ROCK1: variants seen among roughly 807,000 people sequenced by gnomAD.
The protein encoded by ROCK1 is rho-associated protein kinase 1.
In ROCK1, 36 loss-of-function variants were observed where a neutral mutation model predicts 196.8. The observed-to-expected ratio is 0.18, with a 90% CI of 0.14 to 0.24. ROCK1 has a LOEUF of 0.24. Ranked by LOEUF, ROCK1 falls within the 10% of genes least tolerant of loss-of-function variation. The pLI is 1.00. For synonymous variants in ROCK1, 443 were observed against 515.9 expected (o/e 0.86, Z 1.91); for missense variants, 920 against 1,562.0 (o/e 0.59, Z 6.93).
intron 2 of ROCK1, among the ~76,000 whole-genome samples, chr18:21,068,573 A>G (rs1325727168): frequency 6.6e-6 from 1 of 152,160 alleles, no homozygotes; most frequent in Non-Finnish European, 1.5e-5. Context: ...GACTGTTAAC[A>G]TTTTAATATT....
chr18:21,061,080 AT>A (rs772672441), intron 2 of ROCK1, among the ~76,000 whole-genome samples: 582 of 140,282 alleles, frequency 4.1e-3, no homozygotes, highest in Admixed American at 5.3e-3. Context: ...AAATGCTTTT[AT>A]TTTTTTTTTT....
intron 21 of ROCK1, among the ~76,000 whole-genome samples, chr18:20,982,214 G>A (rs183627713): frequency 2.8e-4 from 43 of 152,280 alleles, no homozygotes; most frequent in Non-Finnish European, 5.7e-4. Context: ...GAATAATTAC[G>A]TTTAGCAAAC....
intron 13 of ROCK1, among the ~76,000 whole-genome samples, chr18:21,011,297 CTA>C (rs1285202838): frequency 2.0e-5 from 3 of 151,690 alleles, no homozygotes; most frequent in Non-Finnish European, 2.9e-5. Context: ...TTTGATTTAA[CTA>C]TGGTGTTTTT....
Position 20,950,928 on chromosome 18 carries a change from A to G in ROCK1, c.*456T>C, listed in dbSNP as rs1196290014. ...TTGCAAGAGCACAAAAACTTAAGTC[A>G]TTAAAAAAAAAACAAAACTTCAGTT... On this transcript the variant is annotated 3_prime_UTR_variant, in exon 33 of 33. Coordinates refer to ENST00000399799, the MANE Select transcript of ROCK1 (RefSeq NM_005406.3). 1.3e-5 allele frequency: 2 copies of G among 153,018 alleles called. No homozygotes were observed. Among genetic ancestry groups the G allele is most frequent in the Admixed American group, 6.6e-5 (1 of 15,264 alleles). 9.5% of individuals were successfully genotyped at this position (153,018 alleles called of 1,614,324 possible). A position where few individuals can be genotyped will look rare whatever the true frequency, so the allele number is the denominator to read the frequency against.
intron 9 of ROCK1, among the ~76,000 whole-genome samples, chr18:21,032,919 G>A (rs1464261691): frequency 4.6e-5 from 7 of 151,938 alleles, no homozygotes; most frequent in Admixed American, 1.3e-4. Flanking sequence ...ATCAAAATAG[G>A]GCCATAGTGG....
At chr18:21,026,441 T>C (rs2035956814) in intron 10 of ROCK1, among the ~76,000 whole-genome samples, 1 of 110,174 alleles carries the variant, frequency 9.1e-6, no homozygotes, top group Admixed American at 1.1e-4. Flanking sequence ...CAAAACTCTG[T>C]CTCGAAAAAA....
Position 21,033,854 on chromosome 18 carries a change from TAAAAAAAAAAAAAAAAAAAAAAAAA to T in ROCK1, c.1052-4944_1052-4920del, listed in dbSNP as rs71269004. Among the ~76,000 whole-genome samples, 7 of 33,464 alleles carry T rather than the reference TAAAAAAAAAAAAAAAAAAAAAAAAA, an allele frequency of 2.1e-4. 1 individual carries two copies. In the South Asian group the frequency reaches 0.012, roughly 58 times the overall value. The allele number at this position is 33,464 out of a possible 152,430, so 22.0% of individuals were successfully genotyped here. A position where few individuals can be genotyped will look rare whatever the true frequency, so the allele number is the denominator to read the frequency against. On this transcript the variant is annotated intron_variant, in intron 9 of 32. Coordinates refer to ENST00000399799, the MANE Select transcript of ROCK1 (RefSeq NM_005406.3). ...TAACTCAGTGAAACCCCGTTTCTAC[TAAAAAAAAAAAAAAAAAAAAAAAAA>T]AAAAATTAGCCGGGTGTGCTGGCGG...
chr18:21,037,447 G>A (rs2036067194), intron 9 of ROCK1, among the ~76,000 whole-genome samples: 1 of 152,116 alleles, frequency 6.6e-6, no homozygotes, highest in African/African-American at 2.4e-5. Context: ...TGTTACATAA[G>A]TTTTAAAAAT....
chr18:21,006,335 T>C lies in ROCK1; in HGVS notation c.1885+16A>G. On this transcript the variant is annotated intron_variant, in intron 16 of 32. Transcript: ENST00000399799. ...TCATGTTACGTATATTTTACCACAA[T>C]AAGAAAAAATATTACCTTGAAGGTC... 1 of 1,588,740 alleles carries C rather than the reference T, an allele frequency of 6.3e-7. No homozygotes were observed. Among genetic ancestry groups the C allele is most frequent in the Non-Finnish European group, 8.5e-7 (1 of 1,169,650 alleles).
chr18:21,024,905 T>G (rs1284806847), intron 10 of ROCK1, among the ~76,000 whole-genome samples: 2 of 152,220 alleles, frequency 1.3e-5, no homozygotes, highest in Non-Finnish European at 2.9e-5. Context: ...CATTGACTAC[T>G]AAGCATCTCA....
chr18:20,973,930 G>A (rs1257700918), intron 22 of ROCK1, among the ~76,000 whole-genome samples: 2 of 151,026 alleles, frequency 1.3e-5, no homozygotes, highest in African/African-American at 2.4e-5. Context: ...ACAGGCGCCC[G>A]CCCGTAATTT....
chr18:21,109,445 A>G (rs2036730682), intron 1 of ROCK1, among the ~76,000 whole-genome samples: 1 of 152,226 alleles, frequency 6.6e-6, no homozygotes, highest in South Asian at 2.1e-4. Flanking sequence ...GATAAATATT[A>G]AAAGATAAAT....
chr18:20,957,172 A>G (rs1490709092), intron 29 of ROCK1, among the ~76,000 whole-genome samples: 1 of 152,246 alleles, frequency 6.6e-6, no homozygotes, highest in Non-Finnish European at 1.5e-5. Context: ...GTATTTACCC[A>G]TGAGAAATGA....
intron 29 of ROCK1, among the ~76,000 whole-genome samples, chr18:20,957,525 G>A (rs1325608715): frequency 6.6e-6 from 1 of 151,826 alleles, no homozygotes; most frequent in African/African-American, 2.4e-5. Flanking sequence ...CTGTCACCCG[G>A]GCTGCAGTGC....
At chr18:20,969,664 C>T (rs1598512025) in intron 23 of ROCK1, among the ~76,000 whole-genome samples, 1 of 151,996 alleles carries the variant, frequency 6.6e-6, no homozygotes, top group East Asian at 1.9e-4. Flanking sequence ...ATTAATCATT[C>T]TATGTCTACT....
chr18:21,079,356 G>A (rs1423567079), intron 1 of ROCK1, among the ~76,000 whole-genome samples: 1 of 152,128 alleles, frequency 6.6e-6, no homozygotes, highest in Non-Finnish European at 1.5e-5. Context: ...TTCAGCTGTA[G>A]TGAGGGTTTA....
At chr18:21,073,267 A>G (rs1181038055) in intron 1 of ROCK1, among the ~76,000 whole-genome samples, 1 of 152,148 alleles carries the variant, frequency 6.6e-6, no homozygotes, top group East Asian at 1.9e-4. Context: ...ATATACACAC[A>G]AAGGCAGGCA....
intron 19 of ROCK1, 47 bp downstream of exon 19, chr18:20,986,903 C>A (rs1206885411): frequency 6.7e-7 from 1 of 1,481,910 alleles, no homozygotes. Context: ...ACTTATATAA[C>A]CGTTTCTCTT....
chr18:21,065,402 T>C (rs907693323), intron 2 of ROCK1, among the ~76,000 whole-genome samples: 2 of 152,148 alleles, frequency 1.3e-5, no homozygotes, highest in Non-Finnish European at 2.9e-5. Context: ...CTTGCATTTA[T>C]ACCCGGAGGT....
Sources: gnomAD v4.1 joint callset for allele counts (sites outside exome capture counted in the v4.1 genomes callset) on GRCh38, gnomAD v4.1.1 for gene constraint, MANE v1.5 for transcripts, NCBI Gene and HGNC (gene_info 2026-07-23, HGNC 2026-07-21) for gene names.